The following TENM2 variants were observed in gnomAD, a reference collection of about 807,000 sequenced individuals.
TENM2 encodes the protein teneurin-2.
In TENM2, 52 loss-of-function variants were observed where a neutral mutation model predicts 245.2. The ratio of observed to expected loss-of-function variants is 0.21; its 90% CI spans 0.17 to 0.27. The LOEUF (loss-of-function observed/expected upper bound fraction) is 0.27, where lower values mean the gene tolerates loss of function less well. Among genes scored for constraint, TENM2 ranks in the 10% least tolerant of loss-of-function variants. TENM2 has a pLI of 1.00. For synonymous variants in TENM2, 1,363 were observed against 1,438.9 expected, an observed-to-expected ratio of 0.95 and a Z score of 1.19; for missense variants, 3,046 against 3,666.8, an observed-to-expected ratio of 0.83 and a Z score of 4.37.
chr5:168,202,582 G>A (rs1179322524), intron 17 of TENM2, among the ~76,000 whole-genome samples: 2 of 150,868 alleles, frequency 1.3e-5, no homozygotes, highest in East Asian at 3.9e-4. Context: ...CAGAAGCCCT[G>A]ATTCCTTTTA....
At chr5:167,402,517 G>C (rs1252768367) in intron 2 of TENM2, among the ~76,000 whole-genome samples, 1 of 152,076 alleles carries the variant, frequency 6.6e-6, no homozygotes, top group Non-Finnish European at 1.5e-5. Context: ...AACACATATG[G>C]TAAGCAAGAG....
At chr5:167,343,579 A>T in intron 1 of TENM2, among the ~76,000 whole-genome samples, 1 of 152,228 alleles carries the variant, frequency 6.6e-6, no homozygotes, top group East Asian at 1.9e-4. Context: ...TTAAAAAGCC[A>T]TACTTTGTTT....
At chr5:168,168,507 C>T (rs1008576971) in intron 13 of TENM2, among the ~76,000 whole-genome samples, 1 of 152,036 alleles carries the variant, frequency 6.6e-6, no homozygotes, top group Non-Finnish European at 1.5e-5. Context: ...TGGTGAAACC[C>T]CATCTCTACA....
chr5:167,796,823 A>G (rs1341383890), intron 2 of TENM2, among the ~76,000 whole-genome samples: 1 of 152,116 alleles, frequency 6.6e-6, no homozygotes, highest in East Asian at 1.9e-4. Flanking sequence ...TCCATGTTCA[A>G]GTGTTTTTGT....
At chr5:168,154,700 G>A (rs1756997616) in intron 12 of TENM2, among the ~76,000 whole-genome samples, 1 of 152,140 alleles carries the variant, frequency 6.6e-6, no homozygotes, top group African/African-American at 2.4e-5. Context: ...ACAGCTGGAG[G>A]CAAATTTATA....
the TENM2 span, among the ~76,000 whole-genome samples, chr5:167,191,489 C>T: frequency 2.2e-4 from 33 of 152,130 alleles, no homozygotes; most frequent in South Asian, 6.2e-3. Context: ...TGTATACATG[C>T]TCTTTCTGAT....
chr5:168,001,723 A>C (rs1784433926), intron 5 of TENM2, among the ~76,000 whole-genome samples: 1 of 152,220 alleles, frequency 6.6e-6, no homozygotes, highest in African/African-American at 2.4e-5. Flanking sequence ...TTTTATAGAA[A>C]ATTCATGTTT....
intron 3 of TENM2, among the ~76,000 whole-genome samples, chr5:167,936,165 C>T (rs1003694381): frequency 6.6e-6 from 1 of 152,120 alleles, no homozygotes; most frequent in African/African-American, 2.4e-5. Flanking sequence ...TAATTTGTTT[C>T]CCATCAACTA....
intron 2 of TENM2, among the ~76,000 whole-genome samples, chr5:167,435,731 C>G (rs1052845864): frequency 6.6e-6 from 1 of 152,034 alleles, no homozygotes; most frequent in Non-Finnish European, 1.5e-5. Flanking sequence ...TTGGGACTCC[C>G]TAGAGACTTG....
At chr5:167,743,028 C>T (rs534511945) in intron 2 of TENM2, among the ~76,000 whole-genome samples, 1 of 151,932 alleles carries the variant, frequency 6.6e-6, no homozygotes, top group East Asian at 1.9e-4. Context: ...ACAAACCACC[C>T]ATTCTGAGCC....
At chr5:167,050,300 T>A in the TENM2 span, among the ~76,000 whole-genome samples, 4 of 152,142 alleles carry the variant, frequency 2.6e-5, no homozygotes, top group Non-Finnish European at 4.4e-5. Flanking sequence ...CGGACCCTAC[T>A]GTGAACTGGC....
intron 1 of TENM2, among the ~76,000 whole-genome samples, chr5:167,336,429 A>G (rs1005236230): frequency 6.6e-5 from 10 of 150,660 alleles, no homozygotes; most frequent in African/African-American, 2.4e-4. Flanking sequence ...GTTCTTGTCC[A>G]CAGGAGTGGT....
chr5:167,549,109 TG>T (rs1772761193), intron 2 of TENM2, among the ~76,000 whole-genome samples: 1 of 152,184 alleles, frequency 6.6e-6, no homozygotes, highest in African/African-American at 2.4e-5. Context: ...GTGTTTGTGG[TG>T]GTATATCAGC....
At chr5:168,072,450 CCA>C (rs1031248472) in intron 7 of TENM2, among the ~76,000 whole-genome samples, 2 of 152,154 alleles carry the variant, frequency 1.3e-5, no homozygotes, top group African/African-American at 4.8e-5. Context: ...TAAAATCAAT[CCA>C]TTCATGCCCT....
At chr5:168,148,920 T>C (rs1160953139) in intron 12 of TENM2, among the ~76,000 whole-genome samples, 4 of 134,102 alleles carry the variant, frequency 3.0e-5, no homozygotes, top group South Asian at 2.3e-4. Flanking sequence ...GATAGATAGA[T>C]TGATAGATAG....
intron 2 of TENM2, among the ~76,000 whole-genome samples, chr5:167,597,206 C>T (rs1193805342): frequency 6.9e-6 from 1 of 145,464 alleles, no homozygotes; most frequent in African/African-American, 2.5e-5. Flanking sequence ...TCTCAGTTGC[C>T]CAGGCTAGAG....
At chr5:167,344,238 GATA>G (rs1272817548) in intron 1 of TENM2, among the ~76,000 whole-genome samples, 1 of 147,844 alleles carries the variant, frequency 6.8e-6, no homozygotes. Context: ...GCATTTTGGA[GATA>G]ATATATATAA....
intron 11 of TENM2, among the ~76,000 whole-genome samples, chr5:168,126,200 T>A (rs960840992): frequency 6.6e-6 from 1 of 152,196 alleles, no homozygotes; most frequent in African/African-American, 2.4e-5. Context: ...ACGGGGTATC[T>A]GCAGTCATCA....
At chr5:167,702,597 T>C (rs1758236072) in intron 2 of TENM2, among the ~76,000 whole-genome samples, 1 of 148,296 alleles carries the variant, frequency 6.7e-6, no homozygotes, top group Non-Finnish European at 1.5e-5. Context: ...TTTCTTTACA[T>C]AGTAAAAGTT....
Sources: gnomAD v4.1 joint callset for allele counts (sites outside exome capture counted in the v4.1 genomes callset) on GRCh38, gnomAD v4.1.1 for gene constraint, MANE v1.5 for transcripts, NCBI Gene and HGNC (gene_info 2026-07-23, HGNC 2026-07-21) for gene names.